Variants in USH2A observed in about 807,000 individuals in gnomAD.
USH2A encodes the protein Usher syndrome 2A (autosomal recessive, mild).
Under a neutral mutation model 538.9 loss-of-function variants are expected in USH2A, and 443 were observed. That is an observed-to-expected ratio of 0.82 (90% confidence interval 0.76 to 0.89). USH2A has a LOEUF of 0.89. Ranked by LOEUF, USH2A falls within the 40% of genes least tolerant of loss-of-function variation. USH2A has a pLI of 0.00. For missense variants in USH2A, 6,633 were observed against 6,324.8 expected (o/e 1.05, Z -1.65); for synonymous variants, 2,413 against 2,273.5 (o/e 1.06, Z -1.75).
chr1:215,756,741 T>C (rs926121214), intron 58 of USH2A, among the ~76,000 whole-genome samples: 1 of 152,022 alleles, frequency 6.6e-6, no homozygotes, highest in Non-Finnish European at 1.5e-5. Flanking sequence ...CTGGCCAGCA[T>C]GGTGAAGCCC....
chr1:215,877,973 A>G (rs1362854735), intron 42 of USH2A, 93 bp from the exon 43 acceptor site: 1 of 1,534,184 alleles, frequency 6.5e-7, no homozygotes, highest in African/African-American at 1.4e-5. Context: ...TGCGTGTGAT[A>G]TATGCGTGGA....
intron 22 of USH2A, among the ~76,000 whole-genome samples, chr1:216,092,470 T>C (rs2032324998): frequency 6.6e-6 from 1 of 152,176 alleles, no homozygotes; most frequent in Non-Finnish European, 1.5e-5. Flanking sequence ...GCATATGAAA[T>C]AAACTTCTAT....
intron 11 of USH2A, among the ~76,000 whole-genome samples, chr1:216,278,552 C>A (rs1183018112): frequency 6.6e-6 from 1 of 152,154 alleles, no homozygotes. Context: ...AAGGAGAGAC[C>A]ACGTGGCTTG....
chr1:216,317,825 C>G (rs902233797), intron 9 of USH2A, among the ~76,000 whole-genome samples: 1 of 151,890 alleles, frequency 6.6e-6, no homozygotes, highest in African/African-American at 2.4e-5. Flanking sequence ...TGCACTCCAG[C>G]CTCGGTGACA....
intron 20 of USH2A, among the ~76,000 whole-genome samples, chr1:216,189,320 T>G (rs1029846943): frequency 2.6e-5 from 4 of 151,946 alleles, no homozygotes; most frequent in African/African-American, 7.2e-5. Context: ...TGAAGGGATT[T>G]GGGGAGGAGG....
chr1:216,048,511 C>G (rs2030617084), intron 31 of USH2A, 23 bp downstream of exon 31: 2 of 1,603,662 alleles, frequency 1.2e-6, no homozygotes, highest in African/African-American at 2.7e-5. Flanking sequence ...ATGTGGAAGT[C>G]AAGACCTTTG....
At chr1:215,933,802 T>C (rs1444681164) in intron 38 of USH2A, among the ~76,000 whole-genome samples, 2 of 151,950 alleles carry the variant, frequency 1.3e-5, no homozygotes, top group Non-Finnish European at 2.9e-5. Flanking sequence ...CCTGGGGTCC[T>C]TTGCCTTCAG....
At chr1:216,068,931 T>C (rs1356299241) in intron 30 of USH2A, among the ~76,000 whole-genome samples, 1 of 152,142 alleles carries the variant, frequency 6.6e-6, no homozygotes, top group Non-Finnish European at 1.5e-5. Context: ...GTTTTTTCTA[T>C]GGTGTCTAAT....
intron 3 of USH2A, among the ~76,000 whole-genome samples, chr1:216,390,872 T>C (rs1159182496): frequency 6.6e-6 from 1 of 152,216 alleles, no homozygotes; most frequent in Non-Finnish European, 1.5e-5. Context: ...GTCAGATTTA[T>C]TGAAATTAAA....
chr1:215,874,444 T>A (rs1053693789), intron 43 of USH2A, among the ~76,000 whole-genome samples: 1 of 152,210 alleles, frequency 6.6e-6, no homozygotes, highest in African/African-American at 2.4e-5. Flanking sequence ...AATTAAATTA[T>A]CTGGATAATT....
At chr1:215,926,299 A>G (rs1361822511) in intron 38 of USH2A, among the ~76,000 whole-genome samples, 1 of 151,934 alleles carries the variant, frequency 6.6e-6, no homozygotes, top group Non-Finnish European at 1.5e-5. Context: ...GGTCTTAGAA[A>G]GAGATTTTGG....
At chr1:215,746,793 C>G (rs1660484262) in intron 58 of USH2A, among the ~76,000 whole-genome samples, 1 of 152,148 alleles carries the variant, frequency 6.6e-6, no homozygotes, top group Admixed American at 6.5e-5. Flanking sequence ...TCTTTTGACT[C>G]AAAATTGCAG....
At chr1:216,271,300 T>C (rs1043039303) in intron 11 of USH2A, among the ~76,000 whole-genome samples, 2 of 152,122 alleles carry the variant, frequency 1.3e-5, no homozygotes, top group Admixed American at 6.6e-5. Flanking sequence ...CAGGGATTTA[T>C]CTTACAGCTG....
chr1:216,083,399 T>C (rs2032014213), intron 26 of USH2A, 57 bp downstream of exon 26: 14 of 1,566,670 alleles, frequency 8.9e-6, no homozygotes, highest in Non-Finnish European at 1.1e-5. Context: ...ATGGTTTATT[T>C]ATTTTAAAGT....
At chr1:215,774,500 T>C (rs1661400691) in intron 55 of USH2A, among the ~76,000 whole-genome samples, 1 of 151,944 alleles carries the variant, frequency 6.6e-6, no homozygotes, top group South Asian at 2.1e-4. Flanking sequence ...GAATTATATC[T>C]GTGATATATA....
At chr1:216,220,922 T>C (rs1401931527) in intron 14 of USH2A, among the ~76,000 whole-genome samples, 1 of 152,142 alleles carries the variant, frequency 6.6e-6, no homozygotes, top group Non-Finnish European at 1.5e-5. Flanking sequence ...AGATCTCCAA[T>C]TGCTAAGGGA....
intron 58 of USH2A, among the ~76,000 whole-genome samples, chr1:215,755,566 C>T (rs1373885556): frequency 6.6e-6 from 1 of 152,290 alleles, no homozygotes; most frequent in East Asian, 1.9e-4. Context: ...AGTTTGAAAT[C>T]CTTCTAGACA....
intron 68 of USH2A, among the ~76,000 whole-genome samples, chr1:215,639,746 C>A (rs1396652948): frequency 1.3e-5 from 2 of 152,178 alleles, no homozygotes; most frequent in Non-Finnish European, 2.9e-5. Context: ...TGTCTCCCAA[C>A]CATCAGGCCA....
At chr1:216,362,946 A>AT (rs2038522681) in intron 4 of USH2A, among the ~76,000 whole-genome samples, 1 of 150,288 alleles carries the variant, frequency 6.7e-6, no homozygotes, top group African/African-American at 2.5e-5. Context: ...TGTCAAAAAA[A>AT]AATAATAATA....
Sources: allele counts gnomAD v4.1 joint callset (sites outside exome capture counted in the v4.1 genomes callset), GRCh38; gene constraint gnomAD v4.1.1; transcripts MANE v1.5; gene names NCBI Gene and HGNC (gene_info 2026-07-23, HGNC 2026-07-21).